Variants in EPHB2 observed in about 807,000 individuals in gnomAD.
EPHB2 encodes the protein ephrin type-B receptor 2.
In EPHB2, 18 loss-of-function variants were observed where a neutral mutation model predicts 96.4. The ratio of observed to expected loss-of-function variants is 0.19; its 90% CI spans 0.13 to 0.28. The LOEUF is 0.28. Ranked by LOEUF, EPHB2 falls within the 10% of genes least tolerant of loss-of-function variation. EPHB2 has a pLI of 1.00. For missense variants in EPHB2, 989 were observed against 1,355.4 expected (o/e 0.73, Z 4.25); for synonymous variants, 506 against 534.1 (o/e 0.95, Z 0.72).
At chr1:22,803,015 G>A (rs1245157587) in intron 3 of EPHB2, among the ~76,000 whole-genome samples, 1 of 152,096 alleles carries the variant, frequency 6.6e-6, no homozygotes, top group Non-Finnish European at 1.5e-5. Context: ...GTGGGGATGG[G>A]ACCACCCTGA....
chr1:22,770,383 T>C (rs572800275), intron 1 of EPHB2, among the ~76,000 whole-genome samples: 1 of 152,180 alleles, frequency 6.6e-6, no homozygotes, highest in South Asian at 2.1e-4. Flanking sequence ...GGTTCTGGGA[T>C]TTGAGTTAAT....
chr1:22,787,059 C>T (rs1463533087), intron 3 of EPHB2, among the ~76,000 whole-genome samples: 1 of 152,180 alleles, frequency 6.6e-6, no homozygotes, highest in African/African-American at 2.4e-5. Context: ...TGTGTTAGAC[C>T]TTATGTTGAG....
chr1:22,760,950 T>C (rs1250409525), intron 1 of EPHB2, among the ~76,000 whole-genome samples: 2 of 152,198 alleles, frequency 1.3e-5, no homozygotes, highest in Non-Finnish European at 2.9e-5. Context: ...GGTGAATGCA[T>C]GTGACCAAGG....
chr1:22,724,048 C>T (rs573925541), intron 1 of EPHB2, among the ~76,000 whole-genome samples: 7 of 152,294 alleles, frequency 4.6e-5, no homozygotes, highest in Non-Finnish European at 8.8e-5. Flanking sequence ...CAAGCTTAGG[C>T]GTCTGGCTCC....
rs895484035 is a variant in EPHB2, at chr1:22,814,748, A to G, written c.811+29672A>G. 2.3e-4 allele frequency among the ~76,000 whole-genome samples: 35 copies of G among 152,326 alleles called. No individual in the cohort carries two copies. The Middle Eastern group carries it at 0.01, about 44-fold the overall frequency. ...GTAGGGCCCAGGGAGGCGGGGAAGAAGCATGGGCTCCGAGCCCAGTGGCCC... is the reference window on the plus strand; with the variant it reads ...GTAGGGCCCAGGGAGGCGGGGAAGAGGCATGGGCTCCGAGCCCAGTGGCCC... On this transcript the variant is annotated intron_variant, in intron 3 of 15. Transcript: ENST00000374630.
intron 3 of EPHB2, among the ~76,000 whole-genome samples, chr1:22,833,258 A>G (rs1046405930): frequency 2.6e-5 from 4 of 152,134 alleles, no homozygotes; most frequent in African/African-American, 9.7e-5. Flanking sequence ...AGCTAGGACT[A>G]CAGGTGCACG....
At chr1:22,787,896 G>A (rs1644635030) in intron 3 of EPHB2, among the ~76,000 whole-genome samples, 1 of 152,196 alleles carries the variant, frequency 6.6e-6, no homozygotes, top group Admixed American at 6.5e-5. Flanking sequence ...GACCAGGGAG[G>A]GGTCTGCTTT....
In EPHB2 at chr1:22,875,212, A is replaced by G. The variant is rs1638797917; in HGVS notation, c.1304-7147A>G. On this transcript the variant is annotated intron_variant, in intron 5 of 15. Transcript: ENST00000374630. The surrounding 1 kb of genome is among the most constrained non-coding windows in gnomAD (Gnocchi z 4.2). The stretch of plus-strand genomic sequence containing the variant: ...GAGAATTATCGTCAGGTCATCCAGA[A>G]TTGCAGCCAGATCATCGGGGGTTAA... Among the ~76,000 whole-genome samples, 1 of 152,212 alleles carries G rather than the reference A, an allele frequency of 6.6e-6. No homozygotes were observed. Among genetic ancestry groups the G allele is most frequent in the South Asian group, 2.1e-4 (1 of 4,830 alleles).
chr1:22,715,701 G>C (rs1643275389), intron 1 of EPHB2, among the ~76,000 whole-genome samples: 2 of 152,184 alleles, frequency 1.3e-5, no homozygotes, highest in African/African-American at 4.8e-5. Context: ...AGAGTCACCA[G>C]GCACCTAGTT....
rs139656377 is a variant in EPHB2 at position 22,875,181 on chromosome 1, G to C, written c.1304-7178G>C. On this transcript the variant is annotated intron_variant, in intron 5 of 15. Transcript: ENST00000374630. This position sits in a 1 kb window ranked among gnomAD's most constrained non-coding sequence, Gnocchi z 4.2. ...CTGGAAGTTTTATTTGCAGAAATTC[G>C]GTTGTGAGAATTATCGTCAGGTCAT... is the stretch of plus-strand genomic sequence containing the variant. 6.6e-6 allele frequency among the ~76,000 whole-genome samples: 1 copy of C among 152,158 alleles called. No homozygotes were observed. Among genetic ancestry groups the C allele is most frequent in the Non-Finnish European group, 1.5e-5 (1 of 68,028 alleles).
chr1:22,893,515 A>T (rs10917326), intron 7 of EPHB2, among the ~76,000 whole-genome samples: 3,635 of 152,268 alleles, frequency 0.024, 149 homozygotes, highest in African/African-American at 0.082. Flanking sequence ...GGAATGGGAG[A>T]TCGTAACCTG....
intron 5 of EPHB2, among the ~76,000 whole-genome samples, chr1:22,878,416 A>C (rs537510220): frequency 1.7e-4 from 26 of 152,362 alleles, no homozygotes; most frequent in African/African-American, 5.0e-4. Flanking sequence ...GTTGAAAAAC[A>C]GTATGCTTCC....
chr1:22,878,793 G>A (rs1273173983), intron 5 of EPHB2, among the ~76,000 whole-genome samples: 1 of 152,232 alleles, frequency 6.6e-6, no homozygotes, highest in East Asian at 1.9e-4. Flanking sequence ...GCCTTGCCAG[G>A]GACTGGATGG....
intron 1 of EPHB2, among the ~76,000 whole-genome samples, chr1:22,717,536 A>G (rs1643325274): frequency 6.6e-6 from 1 of 152,114 alleles, no homozygotes; most frequent in Admixed American, 6.5e-5. Context: ...TGTGGCCTTG[A>G]CCAAGTGATC....
At chr1:22,812,517 G>A (rs377723342) in intron 3 of EPHB2, among the ~76,000 whole-genome samples, 1 of 152,138 alleles carries the variant, frequency 6.6e-6, no homozygotes, top group East Asian at 1.9e-4. Flanking sequence ...CCCTCAGAAT[G>A]AAGGAAATTG....
chr1:22,842,014 G>T (rs1299020660), intron 3 of EPHB2, among the ~76,000 whole-genome samples: 1 of 152,214 alleles, frequency 6.6e-6, no homozygotes, highest in African/African-American at 2.4e-5. Context: ...GGGGTCCCAT[G>T]GGGCCTCGGG....
At chr1:22,731,503 C>T (rs1328519814) in intron 1 of EPHB2, among the ~76,000 whole-genome samples, 1 of 152,192 alleles carries the variant, frequency 6.6e-6, no homozygotes. Context: ...GGGTAATAGT[C>T]CTTACCTTAG....
intron 3 of EPHB2, among the ~76,000 whole-genome samples, chr1:22,843,087 T>C (rs1006325264): frequency 1.3e-5 from 2 of 152,182 alleles, no homozygotes; most frequent in African/African-American, 4.8e-5. Context: ...ATCGTATCTG[T>C]TGAGTGAAGG....
intron 1 of EPHB2, among the ~76,000 whole-genome samples, chr1:22,771,334 C>T (rs987604303): frequency 6.6e-6 from 1 of 152,204 alleles, no homozygotes; most frequent in African/African-American, 2.4e-5. Context: ...GAGGAGAAGA[C>T]ATTTGAGATG....
Sources: allele counts gnomAD v4.1 joint callset (sites outside exome capture counted in the v4.1 genomes callset), GRCh38; gene constraint gnomAD v4.1.1; non-coding constraint Gnocchi (gnomAD v3.1); transcripts MANE v1.5; gene names NCBI Gene and HGNC (gene_info 2026-07-23, HGNC 2026-07-21).